CFAP92: variants seen among roughly 807,000 people sequenced by gnomAD.
CFAP92 encodes the protein uncharacterized protein CFAP92.
In CFAP92, 86 loss-of-function variants were observed where a neutral mutation model predicts 106.3. The ratio of observed to expected loss-of-function variants is 0.81; its 90% CI spans 0.68 to 0.97. The LOEUF is 0.97. CFAP92 is among the 50% of genes least tolerant of loss of function. The probability of loss-of-function intolerance (pLI) is 0.00; values close to 1 mark genes in which losing one functional copy is unlikely to be tolerated. For missense variants in CFAP92, 1,204 were observed against 1,283.8 expected, an observed-to-expected ratio of 0.94 and a Z score of 0.95; for synonymous variants, 477 against 506.4, an observed-to-expected ratio of 0.94 and a Z score of 0.78.
intron 1 of CFAP92, chr3:129,002,119 G>C (rs1431814438): frequency 2.7e-6 from 4 of 1,476,408 alleles, no homozygotes. Context: ...CTGCCCCGCG[G>C]CGCTCTCAGC....
At chr3:129,001,054 C>T (rs1036954402) in intron 1 of CFAP92, among the ~76,000 whole-genome samples, 8 of 152,240 alleles carry the variant, frequency 5.3e-5, no homozygotes, top group Non-Finnish European at 1.0e-4. Flanking sequence ...CCTACGGCTA[C>T]AGGGCGGCGA....
At chr3:129,000,970 C>G (rs931830744) in intron 1 of CFAP92, among the ~76,000 whole-genome samples, 1 of 152,226 alleles carries the variant, frequency 6.6e-6, no homozygotes, top group East Asian at 1.9e-4. Flanking sequence ...GCTCTTTGCA[C>G]GGTCTATGGT....
intron 9 of CFAP92, 125 bp downstream of exon 9, chr3:128,965,386 C>G (rs532866750): frequency 7.6e-6 from 3 of 396,856 alleles, no homozygotes; most frequent in East Asian, 3.6e-5. Context: ...TCTCTTCACA[C>G]GGACCCGTAT....
chr3:128,935,164 C>T lies in CFAP92; in HGVS notation c.2414G>A (p.Arg805Gln), dbSNP rs781164284. The T allele has an allele frequency of 1.4e-5, 22 of 1,535,192 alleles. No homozygotes were observed. Among genetic ancestry groups the T allele is most frequent in the African/African-American group, 5.5e-5 (4 of 73,040 alleles). The change falls in exon 11 of 16, where the codon CGA (arginine) becomes CAA (glutamine). Residue 805 changes from arginine to glutamine, a missense_variant. Coordinates refer to ENST00000645291, the MANE Select transcript of CFAP92 (RefSeq NM_001394090.1). ...LLLQQAVFFL[R>Q]DTERRRVFQA... Reference sequence around the variant, plus strand: ...GAAGACCCGCCTCCGCTCAGTGTCTCGCAGGAAGAACACCGCCTGCTGCAG... The same window carrying T: ...GAAGACCCGCCTCCGCTCAGTGTCTTGCAGGAAGAACACCGCCTGCTGCAG...
chr3:129,010,788 A>G, the CFAP92 span, among the ~76,000 whole-genome samples: 2 of 152,094 alleles, frequency 1.3e-5, no homozygotes, highest in Non-Finnish European at 2.9e-5. The surrounding 1 kb of genome is among the most constrained non-coding windows in gnomAD (Gnocchi z 4.3). Context: ...CTTGGTGAGA[A>G]AAGAGGCCTT....
chr3:128,925,739 C>A (rs1484388312), intron 12 of CFAP92, among the ~76,000 whole-genome samples: 1 of 151,992 alleles, frequency 6.6e-6, no homozygotes, highest in African/African-American at 2.4e-5. Flanking sequence ...CAAAGAAAAA[C>A]ACACCTACAA....
intron 12 of CFAP92, among the ~76,000 whole-genome samples, chr3:128,929,465 T>G (rs1200544111): frequency 6.6e-6 from 1 of 152,214 alleles, no homozygotes; most frequent in Non-Finnish European, 1.5e-5. Context: ...ACGTAATGAT[T>G]TGTATGCAAA....
rs942717605 is a variant in CFAP92 at position 128,923,559 on chromosome 3, G to A, written c.2752-7288C>T. 2.0e-5 allele frequency among the ~76,000 whole-genome samples: 3 copies of A among 152,190 alleles called. No individual in the cohort carries two copies. In the South Asian group the frequency reaches 6.2e-4, roughly 31 times the overall value. On this transcript the variant is annotated intron_variant, in intron 12 of 15. Transcript: ENST00000645291. ...ACCTTCATCCTTCTGCAGCCCTTAG[G>A]ATTAAAGGTCCTTTTGTAAAAGGGA...
chr3:129,026,561 T>C, the CFAP92 span, among the ~76,000 whole-genome samples: 5 of 152,182 alleles, frequency 3.3e-5, no homozygotes, highest in African/African-American at 9.7e-5. Flanking sequence ...CCCAGTGAGC[T>C]AAAATCGCCT....
intron 13 of CFAP92, chr3:128,915,808 G>A (rs1289675870): frequency 1.4e-5 from 7 of 496,760 alleles, no homozygotes; most frequent in Non-Finnish European, 2.5e-5. Flanking sequence ...CCTTCTGTTG[G>A]TAGCTGCCTT....
chr3:128,950,722 C>G (rs1351392313), intron 9 of CFAP92, among the ~76,000 whole-genome samples: 2 of 152,192 alleles, frequency 1.3e-5, no homozygotes, highest in Non-Finnish European at 2.9e-5. Context: ...AGTGCAGCAA[C>G]GTGTGAAATG....
chr3:128,912,562 G>A, intron 15 of CFAP92: 1 of 1,614,196 alleles, frequency 6.2e-7, no homozygotes, highest in Non-Finnish European at 8.5e-7. Flanking sequence ...AGATCCTTGA[G>A]AAGCGAGCCT....
chr3:128,993,577 C>CCGTT, intron 1 of CFAP92: 1 of 496,312 alleles, frequency 2.0e-6, no homozygotes, highest in Non-Finnish European at 3.7e-6. Context: ...ACGAGCAACC[C>CCGTT]CGTTTCCTTC....
chr3:129,001,389 G>A (rs908999543), intron 1 of CFAP92, among the ~76,000 whole-genome samples: 8 of 152,232 alleles, frequency 5.3e-5, no homozygotes, highest in Admixed American at 4.6e-4. Flanking sequence ...CCGGGCACTG[G>A]TGGCGCTGCC....
intron 8 of CFAP92, chr3:128,969,792 G>A (rs1275124855): frequency 2.0e-5 from 3 of 152,366 alleles, no homozygotes; most frequent in East Asian, 1.9e-4. Context: ...AAGCTACTGT[G>A]TGCAATAGGT....
intron 12 of CFAP92, among the ~76,000 whole-genome samples, chr3:128,922,861 C>T (rs1201852323): frequency 1.3e-5 from 2 of 152,154 alleles, no homozygotes; most frequent in Non-Finnish European, 2.9e-5. Flanking sequence ...TCTAGTGGAC[C>T]CACCTGTATG....
chr3:128,992,784 C>A (rs1475590915), intron 2 of CFAP92, among the ~76,000 whole-genome samples: 1 of 151,268 alleles, frequency 6.6e-6, no homozygotes, highest in Non-Finnish European at 1.5e-5. Flanking sequence ...GTTTTTTTTT[C>A]TTCTGTAAAA....
the CFAP92 span, among the ~76,000 whole-genome samples, chr3:129,008,168 GTGAGAGAT>G: frequency 4.6e-5 from 7 of 152,228 alleles, no homozygotes; most frequent in Non-Finnish European, 7.3e-5. Context: ...TGCACAGGTA[GTGAGAGAT>G]TGAGTCCCAT....
chr3:128,989,835 G>A (rs1265550372), intron 2 of CFAP92, among the ~76,000 whole-genome samples: 1 of 152,014 alleles, frequency 6.6e-6, no homozygotes, highest in Non-Finnish European at 1.5e-5. Context: ...TCTCCTGCCA[G>A]TCTCTGGTAG....
Sources: allele counts gnomAD v4.1 joint callset (sites outside exome capture counted in the v4.1 genomes callset), GRCh38; gene constraint gnomAD v4.1.1; non-coding constraint Gnocchi (gnomAD v3.1); transcripts MANE v1.5; gene names NCBI Gene and HGNC (gene_info 2026-07-23, HGNC 2026-07-21).